Variants in PKNOX2 observed in about 807,000 individuals in gnomAD.
PKNOX2 encodes homeobox protein PKNOX2.
Under a neutral mutation model 53.1 loss-of-function variants are expected in PKNOX2, and 14 were observed. That is an observed-to-expected ratio of 0.26 (90% confidence interval 0.17 to 0.41). The LOEUF (loss-of-function observed/expected upper bound fraction) is 0.41. PKNOX2 is among the 10% of genes least tolerant of loss of function. PKNOX2 has a pLI of 1.00. For missense variants in PKNOX2, 496 were observed against 602.8 expected, an observed-to-expected ratio of 0.82 and a Z score of 1.85; for synonymous variants, 257 against 242.8, an observed-to-expected ratio of 1.06 and a Z score of -0.54.
At chr11:125,411,569 C>T (rs1955551557) in intron 9 of PKNOX2, 177 bp from the exon 10 acceptor site, 2 of 835,922 alleles carry the variant, frequency 2.4e-6, no homozygotes, top group South Asian at 2.9e-5. Context: ...ACCCAAGCCT[C>T]ACCTCCACTC....
chr11:125,352,641 T>C lies in PKNOX2; in HGVS notation c.87+1249T>C, dbSNP rs141649499. ...GATTACCAGATGCTGTGGGGCTTCT[T>C]TCTAGCGTACCCAGCATATGGAACA... On this transcript the variant is annotated intron_variant, in intron 4 of 12. Transcript: ENST00000298282. This position sits in a 1 kb window ranked among gnomAD's most constrained non-coding sequence, Gnocchi z 4.1. Among the ~76,000 whole-genome samples the C allele has an allele frequency of 6.6e-6, 1 of 152,298 alleles. No homozygotes were observed. The highest frequency in any genetic ancestry group is 1.5e-5 in the Non-Finnish European group (1 of 68,008).
At chr11:125,357,185 T>G (rs1274367535) in intron 4 of PKNOX2, among the ~76,000 whole-genome samples, 2 of 152,184 alleles carry the variant, frequency 1.3e-5, no homozygotes, top group Non-Finnish European at 2.9e-5. Flanking sequence ...CTGCTGGGCC[T>G]TTCTTCTCTT....
Position 125,269,156 on chromosome 11 carries a change from T to C in PKNOX2, c.-130+34041T>C, listed in dbSNP as rs925320353. Among the ~76,000 whole-genome samples, 4 of 152,198 alleles carry C rather than the reference T, an allele frequency of 2.6e-5. No individual in the cohort carries two copies. In the East Asian group the frequency reaches 7.7e-4, roughly 29 times the overall value. On this transcript the variant is annotated intron_variant, in intron 2 of 12. Transcript: ENST00000298282. The stretch of plus-strand genomic sequence containing the variant: ...AATTAGAATTAATGCAGGTATTAAA[T>C]ATTTAAACTTTCTGTACTCACTTTC...
intron 2 of PKNOX2, among the ~76,000 whole-genome samples, chr11:125,325,843 C>T (rs1949790720): frequency 6.6e-6 from 1 of 152,236 alleles, no homozygotes; most frequent in South Asian, 2.1e-4. Context: ...CTCTCTCCCA[C>T]ATTCACTTAG....
chr11:125,300,436 A>G (rs1947967050), intron 2 of PKNOX2, among the ~76,000 whole-genome samples: 1 of 152,230 alleles, frequency 6.6e-6, no homozygotes, highest in African/African-American at 2.4e-5. Context: ...AGAGAGGTTA[A>G]GCAGCTTCCC....
At chr11:125,360,308 G>A (rs1163572135) in intron 4 of PKNOX2, among the ~76,000 whole-genome samples, 3 of 152,070 alleles carry the variant, frequency 2.0e-5, no homozygotes, top group South Asian at 2.1e-4. Flanking sequence ...CACTGGGGCC[G>A]GATCTGAACA....
At position 125,415,322 on chromosome 11, in the gene PKNOX2, G is replaced by C. The variant is rs185997348; in HGVS notation, c.936+3457G>C. Among the ~76,000 whole-genome samples, 645 of 142,518 alleles carry C rather than the reference G, an allele frequency of 4.5e-3. 4 individuals are homozygous for C. Among genetic ancestry groups the C allele is most frequent in the Admixed American group, 8.8e-3 (115 of 13,134 alleles). 93.5% of individuals were successfully genotyped at this position (142,518 alleles called of 152,430 possible). Reference sequence around the variant, plus strand: ...TGCAATGGCACGATCTTGGCTCACTGCAATCCCCACCTCCCAGGTTCAAGT... The same window carrying C: ...TGCAATGGCACGATCTTGGCTCACTCCAATCCCCACCTCCCAGGTTCAAGT... On this transcript the variant is annotated intron_variant, in intron 10 of 12. Coordinates refer to ENST00000298282, the MANE Select transcript of PKNOX2 (RefSeq NM_001382323.2).
intron 4 of PKNOX2, among the ~76,000 whole-genome samples, chr11:125,356,030 C>A (rs1380646679): frequency 1.2e-5 from 1 of 81,100 alleles, no homozygotes; most frequent in African/African-American, 5.6e-5. Flanking sequence ...ACTATCAGCA[C>A]CCCCCCCCCC....
chr11:125,386,882 A>G lies in PKNOX2; in HGVS notation c.399+1160A>G, dbSNP rs112675146. Reference sequence around the variant, plus strand: ...AAGAGCTGCCAGGAGAGCCCACCCTAGCCAGAAGCTTTGTGAAGTGTCATG... The same window carrying G: ...AAGAGCTGCCAGGAGAGCCCACCCTGGCCAGAAGCTTTGTGAAGTGTCATG... On this transcript the variant is annotated intron_variant, in intron 6 of 12. Coordinates refer to ENST00000298282, the MANE Select transcript of PKNOX2 (RefSeq NM_001382323.2). Among the ~76,000 whole-genome samples, 352 of 145,852 alleles carry G rather than the reference A, an allele frequency of 2.4e-3. 2 individuals carry two copies. The highest frequency in any genetic ancestry group is 8.3e-3 in the African/African-American group (328 of 39,526).
intron 1 of PKNOX2, among the ~76,000 whole-genome samples, chr11:125,229,347 TACTCTA>T (rs1942004936): frequency 6.6e-6 from 1 of 152,224 alleles, no homozygotes; most frequent in Non-Finnish European, 1.5e-5. Flanking sequence ...AGGCGGCTGA[TACTCTA>T]CCTCATCCAA....
chr11:125,296,604 C>A (rs1184296658), intron 2 of PKNOX2, among the ~76,000 whole-genome samples: 1 of 152,168 alleles, frequency 6.6e-6, no homozygotes, highest in Admixed American at 6.5e-5. Context: ...CGTCTCATCT[C>A]CATCCAGCAT....
chr11:125,323,634 G>A (rs561679392), intron 2 of PKNOX2, among the ~76,000 whole-genome samples: 8 of 152,290 alleles, frequency 5.3e-5, no homozygotes, highest in South Asian at 2.1e-4. Flanking sequence ...CTTCCTCTGC[G>A]TTCCTTAATA....
intron 3 of PKNOX2, among the ~76,000 whole-genome samples, chr11:125,335,784 C>T (rs1053676897): frequency 2.0e-5 from 3 of 152,060 alleles, no homozygotes; most frequent in African/African-American, 7.2e-5. Flanking sequence ...CTCCACTGTA[C>T]TCCAGCCTGG....
chr11:125,339,155 C>T (rs1950560676), intron 3 of PKNOX2, among the ~76,000 whole-genome samples: 1 of 152,182 alleles, frequency 6.6e-6, no homozygotes, highest in Non-Finnish European at 1.5e-5. Flanking sequence ...CAGAGAACAA[C>T]CCGAGCCAGT....
At chr11:125,287,183 C>A (rs1266433817) in intron 2 of PKNOX2, among the ~76,000 whole-genome samples, 2 of 152,178 alleles carry the variant, frequency 1.3e-5, no homozygotes, top group Non-Finnish European at 2.9e-5. Flanking sequence ...AAAGAGGTTC[C>A]TCAGCTTGCT....
Position 125,429,999 on chromosome 11 carries a change from G to A in PKNOX2, c.1050G>A (p.Met350Ile), listed in dbSNP as rs1185397021. The change falls in exon 12 of 13, where the codon ATG (methionine) becomes ATA (isoleucine). Residue 350 changes from methionine to isoleucine, a missense_variant. By Grantham distance (10) the Met-to-Ile change is conservative. This residue lies in a region of PKNOX2 where 139 missense variants were observed against 161.3 expected (regional missense o/e 0.86). Transcript: ENST00000298282. Reference sequence around the variant, plus strand: ...CCCGGAGGCGCATCCTGCAGCCCATGCTTGATGCCAGCAACCCAGATCCTG... The same window carrying A: ...CCCGGAGGCGCATCCTGCAGCCCATACTTGATGCCAGCAACCCAGATCCTG... ...INARRRILQP[M>I]LDASNPDPAP... The A allele has an allele frequency of 6.2e-7, 1 of 1,614,180 alleles. No homozygotes were observed. The highest frequency in any genetic ancestry group is 1.1e-5 in the South Asian group (1 of 91,084).
chr11:125,172,246 G>A (rs889221390), intron 1 of PKNOX2, among the ~76,000 whole-genome samples: 1 of 152,206 alleles, frequency 6.6e-6, no homozygotes, highest in Non-Finnish European at 1.5e-5. Flanking sequence ...AGGCCTTGTT[G>A]TTTGGGTCCA....
chr11:125,323,037 A>G (rs1949618056), intron 2 of PKNOX2, among the ~76,000 whole-genome samples: 1 of 152,198 alleles, frequency 6.6e-6, no homozygotes, highest in Admixed American at 6.5e-5. Flanking sequence ...ACCATGGTGG[A>G]AGGGACCATC....
At chr11:125,410,965 G>A (rs931846163) in intron 9 of PKNOX2, 89 bp downstream of exon 9, 2 of 1,058,464 alleles carry the variant, frequency 1.9e-6, no homozygotes, top group South Asian at 2.7e-5. Context: ...TTACACGGGT[G>A]ACTCATTGAA....
Sources: gnomAD v4.1 joint callset for allele counts (sites outside exome capture counted in the v4.1 genomes callset) on GRCh38, gnomAD v4.1.1 for gene constraint, gnomAD v4.1.1 regional missense constraint, Gnocchi (gnomAD v3.1) non-coding constraint, MANE v1.5 for transcripts, NCBI Gene and HGNC (gene_info 2026-07-23, HGNC 2026-07-21) for gene names.